The following ADCY10 variants were observed in gnomAD, a reference collection of about 807,000 sequenced individuals.
ADCY10 encodes the protein adenylate cyclase type 10.
Under a neutral mutation model 183.3 loss-of-function variants are expected in ADCY10, and 156 were observed. The observed-to-expected ratio is 0.85, with a 90% CI of 0.75 to 0.97. The LOEUF (loss-of-function observed/expected upper bound fraction) is 0.97, where lower values mean the gene tolerates loss of function less well. Among genes scored for constraint, ADCY10 ranks in the 50% least tolerant of loss-of-function variants. ADCY10 has a pLI of 0.00. For synonymous variants in ADCY10, 645 were observed against 670.0 expected, an observed-to-expected ratio of 0.96 and a Z score of 0.58; for missense variants, 1,745 against 1,934.3, an observed-to-expected ratio of 0.90 and a Z score of 1.84.
At chr1:167,866,226 A>G (rs1231411076) in intron 14 of ADCY10, among the ~76,000 whole-genome samples, 1 of 152,162 alleles carries the variant, frequency 6.6e-6, no homozygotes, top group Non-Finnish European at 1.5e-5. Context: ...TTTCATCAAC[A>G]AGAGGGAGGA....
At chr1:167,894,581 G>C (rs750239035) in intron 7 of ADCY10, among the ~76,000 whole-genome samples, 3 of 152,042 alleles carry the variant, frequency 2.0e-5, no homozygotes, top group Admixed American at 6.6e-5. Context: ...AATGGCAAAG[G>C]GTTTTCAGCA....
rs777564091 is a variant in ADCY10 at position 167,880,485 on chromosome 1, A to C, written c.1139+6T>G. 69 of 1,603,652 alleles carry C rather than the reference A, an allele frequency of 4.3e-5. No homozygotes were observed. The highest frequency in any genetic ancestry group is 5.7e-5 in the Non-Finnish European group (67 of 1,170,552). On this transcript the variant is annotated splice_donor_region_variant and intron_variant, in intron 10 of 32. Coordinates refer to ENST00000367851, the MANE Select transcript of ADCY10 (RefSeq NM_018417.6). ...ACCGCTGGGTGGGACCAGGGTCAAT[A>C]CTCACTGGATTTTGTGGACTTGAGA...
intron 31 of ADCY10, among the ~76,000 whole-genome samples, chr1:167,815,025 T>A (rs755805372): frequency 2.6e-4 from 39 of 152,046 alleles, no homozygotes; most frequent in Non-Finnish European, 4.7e-4. Flanking sequence ...CTCGGGAGGC[T>A]GAGGCACGAG....
Position 167,833,179 on chromosome 1 carries a change from G to A in ADCY10, c.3418-17C>T. 1 of 1,612,314 alleles carries A rather than the reference G, an allele frequency of 6.2e-7. No homozygotes were observed. Among genetic ancestry groups the A allele is most frequent in the Non-Finnish European group, 8.5e-7 (1 of 1,178,484 alleles). ...GAAACAGACCTACAGGGAGGTGGGA[G>A]GGAAGAGAGGAAAAGAGGAAAACGA... On this transcript the variant is annotated splice_polypyrimidine_tract_variant and intron_variant, in intron 24 of 32. Coordinates refer to ENST00000367851, the MANE Select transcript of ADCY10 (RefSeq NM_018417.6).
chr1:167,870,213 G>C, intron 14 of ADCY10, 44 bp downstream of exon 14: 1 of 1,610,244 alleles, frequency 6.2e-7, no homozygotes, highest in Non-Finnish European at 8.5e-7. Context: ...AAATAAATCA[G>C]GATTCTATGG....
intron 21 of ADCY10, among the ~76,000 whole-genome samples, chr1:167,840,996 A>T (rs1385660647): frequency 6.8e-6 from 1 of 148,072 alleles, no homozygotes; most frequent in South Asian, 2.1e-4. Context: ...GCTGGAGTGC[A>T]GTGGCGCCAT....
At chr1:167,880,038 T>G in intron 11 of ADCY10, 77 bp downstream of exon 11, 1 of 1,268,986 alleles carries the variant, frequency 7.9e-7, no homozygotes, top group Non-Finnish European at 1.1e-6. Context: ...CTCATTTTTG[T>G]GCTTCCTCCC....
In ADCY10 at chr1:167,810,727, T is replaced by C. The variant is rs1198602139; in HGVS notation, c.4669A>G (p.Lys1557Glu). ...ILEKCWLNMN[K>E]ESWYSTSELK... Reference sequence around the variant, plus strand: ...GTTTGCTAGCTGATGATACATACTTTGTTCATGTTCAGCCAGCATTTCTCC... The same window carrying C: ...GTTTGCTAGCTGATGATACATACTTCGTTCATGTTCAGCCAGCATTTCTCC... The change falls in exon 32 of 33, where the codon AAA (lysine) becomes GAA (glutamate). Residue 1557 changes from lysine (K) to glutamate (E), a missense_variant and splice_region_variant. Transcript: ENST00000367851. 6.2e-7 allele frequency: 1 copy of C among 1,614,212 alleles called. No homozygotes were observed. Among genetic ancestry groups the C allele is most frequent in the East Asian group, 2.2e-5 (1 of 44,890 alleles).
chr1:167,873,327 G>A (rs1667233801), intron 13 of ADCY10, among the ~76,000 whole-genome samples: 1 of 152,152 alleles, frequency 6.6e-6, no homozygotes, highest in Non-Finnish European at 1.5e-5. Context: ...CAGTGAAAGT[G>A]AGGCATTTCT....
At chr1:167,840,151 G>A (rs939482086) in intron 21 of ADCY10, among the ~76,000 whole-genome samples, 1 of 151,776 alleles carries the variant, frequency 6.6e-6, no homozygotes, top group African/African-American at 2.4e-5. Flanking sequence ...AGGATGGCTT[G>A]AGCCTGGAAG....
chr1:167,863,562 A>C (rs1415027240), intron 14 of ADCY10, among the ~76,000 whole-genome samples: 1 of 152,116 alleles, frequency 6.6e-6, no homozygotes, highest in Non-Finnish European at 1.5e-5. Flanking sequence ...TCTGCGGCTC[A>C]TCCTGCTACA....
intron 2 of ADCY10, among the ~76,000 whole-genome samples, chr1:167,904,216 C>T (rs1669664274): frequency 6.6e-6 from 1 of 151,564 alleles, no homozygotes; most frequent in African/African-American, 2.4e-5. Context: ...GCCTTCCGAG[C>T]AGCTGGGACT....
Position 167,824,639 on chromosome 1 carries a change from G to T in ADCY10, c.3955+12C>A. ...GTATCCTCATGTCCCATCTTGCCCA[G>T]CCAGCCCTTACCTAACTCAATGGCC... On this transcript the variant is annotated intron_variant, in intron 27 of 32. Transcript: ENST00000367851. 6.2e-7 allele frequency: 1 copy of T among 1,614,122 alleles called. No homozygotes were observed. Among genetic ancestry groups the T allele is most frequent in the Non-Finnish European group, 8.5e-7 (1 of 1,180,010 alleles).
intron 21 of ADCY10, among the ~76,000 whole-genome samples, chr1:167,840,339 TGCTTGGGTGAATCATATTATTATTACTA>T (rs1664525131): frequency 6.6e-6 from 1 of 151,174 alleles, no homozygotes. Flanking sequence ...TGTCATTTAT[TGCTTGGGTGAATCATATTATTATTACTA>T]TTTTTTTTGG....
intron 18 of ADCY10, among the ~76,000 whole-genome samples, chr1:167,849,600 A>C (rs1665317914): frequency 6.6e-6 from 1 of 152,238 alleles, no homozygotes; most frequent in Admixed American, 6.5e-5. Context: ...GAAGGCTATC[A>C]ATGTGAATAA....
In ADCY10 at chr1:167,824,239, T is replaced by C. The variant is rs1476073; in HGVS notation, c.4052+237A>G. 0.59 allele frequency among the ~76,000 whole-genome samples: 90,118 copies of C among 151,926 alleles called. 26,981 individuals carry two copies. The highest frequency in any genetic ancestry group is 0.64 in the African/African-American group (26,670 of 41,444). On this transcript the variant is annotated intron_variant, in intron 28 of 32. Coordinates refer to ENST00000367851, the MANE Select transcript of ADCY10 (RefSeq NM_018417.6). ...GTGGGAGGTTGAGGCAGGAGAATTG[T>C]CTAAACCCGGAAGGCAGAGGTTGCA... is the stretch of plus-strand genomic sequence containing the variant.
chr1:167,835,041 T>G (rs1245066399), intron 23 of ADCY10, among the ~76,000 whole-genome samples: 1 of 152,210 alleles, frequency 6.6e-6, no homozygotes, highest in East Asian at 1.9e-4. Flanking sequence ...TTTAATTTTA[T>G]AATTTTATAT....
intron 1 of ADCY10, among the ~76,000 whole-genome samples, chr1:167,907,658 T>G (rs1669906425): frequency 6.6e-6 from 1 of 152,198 alleles, no homozygotes; most frequent in Non-Finnish European, 1.5e-5. Flanking sequence ...TCAATGGTTA[T>G]TTAGATTAGC....
At chr1:167,853,078 C>T (rs1450990844) in intron 18 of ADCY10, among the ~76,000 whole-genome samples, 1 of 152,156 alleles carries the variant, frequency 6.6e-6, no homozygotes, top group African/African-American at 2.4e-5. Context: ...ACCATAAGTC[C>T]TTTATTGCAC....
Sources: gnomAD v4.1 joint callset for allele counts (sites outside exome capture counted in the v4.1 genomes callset) on GRCh38, gnomAD v4.1.1 for gene constraint, MANE v1.5 for transcripts, NCBI Gene and HGNC (gene_info 2026-07-23, HGNC 2026-07-21) for gene names.